The following CNNM2 variants were observed in gnomAD, a reference collection of about 807,000 sequenced individuals.
CNNM2 encodes cyclin and CBS domain divalent metal cation transport mediator 2.
In CNNM2, 12 loss-of-function variants were observed where a neutral mutation model predicts 66.9. The ratio of observed to expected loss-of-function variants is 0.18; its 90% CI spans 0.11 to 0.29. CNNM2 has a LOEUF of 0.29. Ranked by LOEUF, CNNM2 falls within the 10% of genes least tolerant of loss-of-function variation. The pLI, the probability that CNNM2 is intolerant of heterozygous loss-of-function variation, is 1.00. For missense variants in CNNM2, 705 were observed against 1,167.7 expected, an observed-to-expected ratio of 0.60 and a Z score of 5.77; for synonymous variants, 557 against 501.8, an observed-to-expected ratio of 1.11 and a Z score of -1.47.
intron 1 of CNNM2, among the ~76,000 whole-genome samples, chr10:103,010,917 T>C (rs1435670802): frequency 6.6e-6 from 1 of 152,168 alleles, no homozygotes; most frequent in Non-Finnish European, 1.5e-5. Flanking sequence ...CTGGCCGTGA[T>C]ATTTATATTC....
chr10:102,941,728 CCT>C (rs1368807315), intron 1 of CNNM2, among the ~76,000 whole-genome samples: 3 of 152,320 alleles, frequency 2.0e-5, no homozygotes, highest in Non-Finnish European at 4.4e-5. Flanking sequence ...GATTCCAGCC[CCT>C]CTCCTGCAAC....
intron 1 of CNNM2, among the ~76,000 whole-genome samples, chr10:102,960,294 T>C (rs565822911): frequency 2.0e-5 from 3 of 152,332 alleles, no homozygotes; most frequent in African/African-American, 4.8e-5. Context: ...TCAGTTCTAA[T>C]GTGCATACTG....
In CNNM2 at chr10:102,918,606, G is replaced by A. The variant is rs977745596; in HGVS notation, c.126G>A (p.Gln42=). 17 of 1,553,780 alleles carry A rather than the reference G, an allele frequency of 1.1e-5. No individual in the cohort carries two copies. The highest frequency in any genetic ancestry group is 1.5e-5 in the Non-Finnish European group (17 of 1,151,642). ...GCGCTCGCGGCCGGGGGATCCTGCA[G>A]GCGGCTGCGGGGCGGCTGCTGCCGC... ...SLSARGRGIL[Q]AAAGRLLPLL... The change falls in exon 1 of 8, where the codon CAG becomes CAA. Residue 42 remains glutamine, a synonymous_variant. Transcript: ENST00000369878. This position sits in a 1 kb window ranked among gnomAD's most constrained non-coding sequence, Gnocchi z 4.1.
At chr10:102,926,784 C>T (rs1005612563) in intron 1 of CNNM2, among the ~76,000 whole-genome samples, 2 of 141,326 alleles carry the variant, frequency 1.4e-5, no homozygotes, top group South Asian at 2.3e-4. Context: ...GGCACGATAT[C>T]GGCTCACTGC....
intron 3 of CNNM2, among the ~76,000 whole-genome samples, chr10:103,056,448 C>G (rs542767295): frequency 2.0e-4 from 30 of 152,238 alleles, no homozygotes; most frequent in Non-Finnish European, 3.7e-4. Flanking sequence ...GGCTGTTGGT[C>G]GACAGTCAGG....
At chr10:103,026,496 G>A (rs1370460567) in intron 1 of CNNM2, among the ~76,000 whole-genome samples, 1 of 150,382 alleles carries the variant, frequency 6.6e-6, no homozygotes, top group Non-Finnish European at 1.5e-5. Context: ...AGCTACTCAA[G>A]AGGCTGAGGT....
At chr10:103,049,677 C>A (rs770144844) in intron 1 of CNNM2, 30 bp from the exon 2 acceptor site, 2 of 1,595,468 alleles carry the variant, frequency 1.3e-6, no homozygotes, top group South Asian at 1.1e-5. Flanking sequence ...TTCAGAAAGT[C>A]ACTTCCTAAA....
At chr10:103,047,004 A>G (rs1406365693) in intron 1 of CNNM2, among the ~76,000 whole-genome samples, 1 of 152,232 alleles carries the variant, frequency 6.6e-6, no homozygotes, top group Non-Finnish European at 1.5e-5. Context: ...AATACTGAAT[A>G]ATATATGCAG....
rs71966641 is a variant in CNNM2, at chr10:103,020,790, AAGGGCGCATG to A, written c.1622-28912_1622-28903del. Among the ~76,000 whole-genome samples the A allele has an allele frequency of 0.31, 46,783 of 151,876 alleles. 7,363 individuals carry two copies. The highest frequency in any genetic ancestry group is 0.37 in the Middle Eastern group (109 of 292). ...ATGAAAGCTAGACTGGGAAGGGGCGAAGGGCGCATGAGGGTGTAGGAACAGTGGATTGAAA... is the reference window on the plus strand; with the variant it reads ...ATGAAAGCTAGACTGGGAAGGGGCGAAGGGTGTAGGAACAGTGGATTGAAA... On this transcript the variant is annotated intron_variant, in intron 1 of 7. Coordinates refer to ENST00000369878, the MANE Select transcript of CNNM2 (RefSeq NM_017649.5).
At chr10:103,072,041 C>T (rs779516445) in intron 6 of CNNM2, among the ~76,000 whole-genome samples, 4 of 152,144 alleles carry the variant, frequency 2.6e-5, no homozygotes, top group African/African-American at 7.2e-5. Context: ...TCCAGAACAG[C>T]GCAAAGTCAC....
intron 1 of CNNM2, among the ~76,000 whole-genome samples, chr10:103,042,175 C>T (rs1413583011): frequency 6.6e-6 from 1 of 152,204 alleles, no homozygotes; most frequent in Non-Finnish European, 1.5e-5. Flanking sequence ...CATTCTCCTC[C>T]ACCCGCTATC....
At chr10:103,034,042 C>A (rs2064881830) in intron 1 of CNNM2, among the ~76,000 whole-genome samples, 1 of 151,402 alleles carries the variant, frequency 6.6e-6, no homozygotes, top group African/African-American at 2.4e-5. Flanking sequence ...ATCATATGCA[C>A]AAAATTTACA....
intron 1 of CNNM2, among the ~76,000 whole-genome samples, chr10:103,006,123 T>C (rs2134263136): frequency 6.6e-6 from 1 of 152,356 alleles, no homozygotes; most frequent in East Asian, 1.9e-4. Context: ...GTGATAGTGA[T>C]ATCCTTGTCT....
chr10:103,075,349 G>C (rs899703316), intron 6 of CNNM2, among the ~76,000 whole-genome samples: 1 of 152,152 alleles, frequency 6.6e-6, no homozygotes, highest in Non-Finnish European at 1.5e-5. Flanking sequence ...TTTTAATGAC[G>C]TTTCCATTAG....
chr10:103,060,597 A>G (rs1383560760), intron 4 of CNNM2, among the ~76,000 whole-genome samples: 1 of 152,222 alleles, frequency 6.6e-6, no homozygotes, highest in Non-Finnish European at 1.5e-5. Flanking sequence ...ATTAAAAAAT[A>G]CTAAGTCATG....
chr10:103,037,589 A>C (rs932406406), intron 1 of CNNM2, among the ~76,000 whole-genome samples: 2 of 152,204 alleles, frequency 1.3e-5, no homozygotes, highest in African/African-American at 4.8e-5. Context: ...CTCTGTAATG[A>C]TGACTTAGAG....
At chr10:103,024,961 A>C (rs960118862) in intron 1 of CNNM2, among the ~76,000 whole-genome samples, 1 of 152,212 alleles carries the variant, frequency 6.6e-6, no homozygotes, top group African/African-American at 2.4e-5. Context: ...ATACTTTATA[A>C]AGGATGAAAT....
chr10:103,073,164 A>G (rs1009746078), intron 6 of CNNM2, among the ~76,000 whole-genome samples: 3 of 152,232 alleles, frequency 2.0e-5, no homozygotes, highest in Non-Finnish European at 2.9e-5. Context: ...CCATGGGGCC[A>G]GGCATCAGGC....
intron 1 of CNNM2, among the ~76,000 whole-genome samples, chr10:103,028,730 T>C (rs2064756246): frequency 6.6e-6 from 1 of 151,968 alleles, no homozygotes; most frequent in African/African-American, 2.4e-5. Flanking sequence ...TCTCCTCTTA[T>C]GACAAGATCT....
Sources: gnomAD v4.1 joint callset for allele counts (sites outside exome capture counted in the v4.1 genomes callset) on GRCh38, gnomAD v4.1.1 for gene constraint, Gnocchi (gnomAD v3.1) non-coding constraint, MANE v1.5 for transcripts, NCBI Gene and HGNC (gene_info 2026-07-23, HGNC 2026-07-21) for gene names.